Variants in FAXC observed in about 807,000 individuals in gnomAD.
FAXC encodes failed axon connections homolog.
FAXC carries 10 observed loss-of-function variants against 41.9 expected under a neutral mutation model. That is an observed-to-expected ratio of 0.24 (90% CI 0.15 to 0.41). The LOEUF (loss-of-function observed/expected upper bound fraction) is 0.41. Ranked by LOEUF, FAXC falls within the 10% of genes least tolerant of loss-of-function variation. FAXC has a pLI of 1.00. For missense variants in FAXC, 399 were observed against 510.9 expected, an observed-to-expected ratio of 0.78 and a Z score of 2.11; for synonymous variants, 183 against 183.8, an observed-to-expected ratio of 1.00 and a Z score of 0.03.
At chr6:99,336,912 T>C (rs1296694749) in intron 2 of FAXC, among the ~76,000 whole-genome samples, 1 of 152,212 alleles carries the variant, frequency 6.6e-6, no homozygotes, top group African/African-American at 2.4e-5. Context: ...ATCTATCTAT[T>C]ACATTCACTC....
intron 4 of FAXC, among the ~76,000 whole-genome samples, chr6:99,319,229 C>T (rs144486926): frequency 6.6e-6 from 1 of 152,084 alleles, no homozygotes; most frequent in Non-Finnish European, 1.5e-5. Flanking sequence ...AACCCCGTCT[C>T]TACTAAAAAT....
Position 99,349,214 on chromosome 6 carries a change from G to A in FAXC, c.159C>T (p.Ile53=). 3 of 1,613,990 alleles carry A rather than the reference G, an allele frequency of 1.9e-6. No homozygotes were observed. The highest frequency in any genetic ancestry group is 2.5e-6 in the Non-Finnish European group (3 of 1,180,024). Residue 53 remains isoleucine (I), a synonymous_variant, in exon 1 of 6, where the codon ATC becomes ATT. Transcript: ENST00000389677. The part of the protein sequence containing the change: ...IAFPLQDYGG[I]MAGLGSDPWW... Reference sequence around the variant, plus strand: ...AGGGATCGGAGCCCAGCCCTGCCATGATCCCACCGTAATCCTGCAAAGGGA... The same window carrying A: ...AGGGATCGGAGCCCAGCCCTGCCATAATCCCACCGTAATCCTGCAAAGGGA...
chr6:99,305,484 C>T (rs1325518057), intron 4 of FAXC, among the ~76,000 whole-genome samples: 2 of 152,144 alleles, frequency 1.3e-5, no homozygotes, highest in Non-Finnish European at 2.9e-5. Context: ...AGCTAATTCA[C>T]TACAATGTAC....
chr6:99,288,849 C>A (rs1443729378), intron 5 of FAXC, among the ~76,000 whole-genome samples: 3 of 130,896 alleles, frequency 2.3e-5, no homozygotes. Context: ...CATGAATCGA[C>A]ACACACACAT....
chr6:99,276,834 G>T lies in FAXC; in HGVS notation c.*4330C>A, dbSNP rs138036357. ...TCTGGGAATAGGGTATAGAACTTTC[G>T]TTGGATTATCAGTGGAGTTCCTGAC... On this transcript the variant is annotated 3_prime_UTR_variant, in exon 6 of 6. Coordinates refer to ENST00000389677, the MANE Select transcript of FAXC (RefSeq NM_032511.4). 2 of 152,096 alleles carry T rather than the reference G, an allele frequency of 1.3e-5. No individual in the cohort carries two copies. The highest frequency in any genetic ancestry group is 4.1e-4 in the South Asian group (2 of 4,824). 9.4% of individuals were successfully genotyped at this position (152,096 alleles called of 1,614,324 possible).
chr6:99,296,329 G>A (rs1165406671), intron 4 of FAXC, among the ~76,000 whole-genome samples: 1 of 152,136 alleles, frequency 6.6e-6, no homozygotes, highest in Non-Finnish European at 1.5e-5. Flanking sequence ...GAAGGGCACT[G>A]AGGGAGGAGA....
intron 4 of FAXC, among the ~76,000 whole-genome samples, chr6:99,304,878 G>T (rs1228552069): frequency 6.6e-6 from 1 of 152,224 alleles, no homozygotes; most frequent in Non-Finnish European, 1.5e-5. Context: ...CAACAGCAGA[G>T]AAGAGAAGCA....
intron 4 of FAXC, among the ~76,000 whole-genome samples, chr6:99,292,395 G>T (rs1309252249): frequency 6.6e-6 from 1 of 152,162 alleles, no homozygotes; most frequent in Admixed American, 6.5e-5. Flanking sequence ...GAGGTCACAG[G>T]CTCAGCCCTG....
intron 4 of FAXC, among the ~76,000 whole-genome samples, chr6:99,309,548 C>A (rs1384503937): frequency 6.6e-6 from 1 of 152,192 alleles, no homozygotes; most frequent in Non-Finnish European, 1.5e-5. Flanking sequence ...ACCTCCACTA[C>A]CTGGTCCCCA....
intron 4 of FAXC, among the ~76,000 whole-genome samples, chr6:99,319,398 CAAAAAAAA>C (rs57370118): frequency 4.2e-5 from 2 of 47,648 alleles, no homozygotes; most frequent in Non-Finnish European, 9.6e-5. Flanking sequence ...GACTCCGTCT[CAAAAAAAA>C]AAAAAAAAAA....
At chr6:99,300,731 C>T (rs1055576629) in intron 4 of FAXC, among the ~76,000 whole-genome samples, 1 of 152,186 alleles carries the variant, frequency 6.6e-6, no homozygotes, top group African/African-American at 2.4e-5. Flanking sequence ...TCTCATCTGC[C>T]CTGTGCTGGG....
chr6:99,297,456 C>T (rs1771540453), intron 4 of FAXC, among the ~76,000 whole-genome samples: 1 of 152,128 alleles, frequency 6.6e-6, no homozygotes, highest in Non-Finnish European at 1.5e-5. Context: ...AAGCAAGCTG[C>T]AAAGCTGAAG....
intron 4 of FAXC, among the ~76,000 whole-genome samples, chr6:99,306,744 C>A (rs1202702783): frequency 6.6e-6 from 1 of 152,236 alleles, no homozygotes; most frequent in East Asian, 1.9e-4. Flanking sequence ...CTACCATTTA[C>A]AAGCTTGGTG....
chr6:99,289,689 ATGTGTGTGTGTG>A lies in FAXC; in HGVS notation c.940+2003_940+2014del, dbSNP rs58098982. Among the ~76,000 whole-genome samples, 703 of 146,690 alleles carry A rather than the reference ATGTGTGTGTGTG, an allele frequency of 4.8e-3. 7 individuals carry two copies. Among genetic ancestry groups the A allele is most frequent in the Non-Finnish European group, 6.4e-3 (419 of 65,944 alleles). On this transcript the variant is annotated intron_variant, in intron 5 of 5. Transcript: ENST00000389677. ...TGTATATGTAAATGTACATATGTAT[ATGTGTGTGTGTG>A]TGTGTGTGTGTGTGTGTGTATATAT... is the stretch of plus-strand genomic sequence containing the variant.
Position 99,349,102 on chromosome 6 carries a change from C to G in FAXC, c.266+5G>C. 6.2e-7 allele frequency: 1 copy of G among 1,613,054 alleles called. No homozygotes were observed. Among genetic ancestry groups the G allele is most frequent in the Non-Finnish European group, 8.5e-7 (1 of 1,179,818 alleles). On this transcript the variant is annotated splice_donor_5th_base_variant and intron_variant, in intron 1 of 5. Transcript: ENST00000389677. ...CCCCTGTGCGGGGCCCTCTCTCCGG[C>G]TCACCTAATGACCAGGAGTTCGTGG...
chr6:99,345,885 A>G (rs937187200), intron 1 of FAXC, among the ~76,000 whole-genome samples: 1 of 152,214 alleles, frequency 6.6e-6, no homozygotes, highest in African/African-American at 2.4e-5. Context: ...TGTTGGAACA[A>G]TATTTATTTT....
intron 3 of FAXC, among the ~76,000 whole-genome samples, chr6:99,331,155 AC>A (rs1249343887): frequency 6.6e-6 from 1 of 152,132 alleles, no homozygotes; most frequent in Non-Finnish European, 1.5e-5. Context: ...CTTGCCTCCC[AC>A]CCTCACTATT....
intron 1 of FAXC, among the ~76,000 whole-genome samples, chr6:99,345,919 G>A (rs1165153288): frequency 1.3e-5 from 2 of 152,108 alleles, no homozygotes; most frequent in Non-Finnish European, 2.9e-5. Context: ...AAAAAACATG[G>A]ATAAAACCCC....
intron 4 of FAXC, among the ~76,000 whole-genome samples, chr6:99,298,897 A>C (rs1017530500): frequency 2.0e-5 from 3 of 152,094 alleles, no homozygotes; most frequent in African/African-American, 7.2e-5. Context: ...ATCCCTTCTC[A>C]CACTTTCCTA....
Sources: allele counts gnomAD v4.1 joint callset (sites outside exome capture counted in the v4.1 genomes callset), GRCh38; gene constraint gnomAD v4.1.1; transcripts MANE v1.5; gene names NCBI Gene and HGNC (gene_info 2026-07-23, HGNC 2026-07-21).